The following NRXN1 variants were observed in gnomAD, a reference collection of about 807,000 sequenced individuals.
The protein encoded by NRXN1 is neurexin-1.
In NRXN1, 39 loss-of-function variants were observed where a neutral mutation model predicts 150.9. The observed-to-expected ratio is 0.26, with a 90% CI of 0.20 to 0.34. The LOEUF is 0.34. Ranked by LOEUF, NRXN1 falls within the 10% of genes least tolerant of loss-of-function variation. The pLI is 1.00. For missense variants in NRXN1, 1,815 were observed against 1,949.9 expected (o/e 0.93, Z 1.30); for synonymous variants, 924 against 757.0 (o/e 1.22, Z -3.62).
chr2:50,825,037 G>T (rs1670260635), intron 5 of NRXN1, among the ~76,000 whole-genome samples: 1 of 152,124 alleles, frequency 6.6e-6, no homozygotes, highest in South Asian at 2.1e-4. Context: ...AATCAATAGG[G>T]CTGCCTTTAT....
At chr2:50,700,228 G>A (rs773726807) in intron 5 of NRXN1, among the ~76,000 whole-genome samples, 2 of 152,162 alleles carry the variant, frequency 1.3e-5, no homozygotes, top group Non-Finnish European at 2.9e-5. Flanking sequence ...AGTGTCAAAT[G>A]AGATTGCTCC....
At chr2:50,013,659 CT>C (rs1686081193) in intron 21 of NRXN1, among the ~76,000 whole-genome samples, 1 of 152,118 alleles carries the variant, frequency 6.6e-6, no homozygotes, top group Admixed American at 6.6e-5. Flanking sequence ...GCTTCCATTT[CT>C]TATAATCTGC....
intron 10 of NRXN1, among the ~76,000 whole-genome samples, chr2:50,533,435 A>T (rs1342393033): frequency 6.6e-6 from 1 of 152,184 alleles, no homozygotes; most frequent in African/African-American, 2.4e-5. Flanking sequence ...CTCAGTAAAC[A>T]TGATAATCTC....
intron 16 of NRXN1, among the ~76,000 whole-genome samples, chr2:50,470,708 A>C (rs2089375596): frequency 6.6e-6 from 1 of 151,812 alleles, no homozygotes; most frequent in Non-Finnish European, 1.5e-5. Flanking sequence ...AACTGTGTTC[A>C]GTATTACAGG....
chr2:50,579,538 AT>A (rs1487800092), intron 8 of NRXN1, among the ~76,000 whole-genome samples: 1 of 152,148 alleles, frequency 6.6e-6, no homozygotes, highest in African/African-American at 2.4e-5. Flanking sequence ...AGTCCTAGCT[AT>A]TTGGGAACCT....
intron 5 of NRXN1, among the ~76,000 whole-genome samples, chr2:50,838,758 G>T (rs894099540): frequency 6.6e-6 from 1 of 152,096 alleles, no homozygotes; most frequent in Non-Finnish European, 1.5e-5. Context: ...AAGAAGCAGA[G>T]AATAATCATC....
At chr2:50,281,595 A>C (rs1188388442) in intron 17 of NRXN1, among the ~76,000 whole-genome samples, 1 of 152,136 alleles carries the variant, frequency 6.6e-6, no homozygotes, top group African/African-American at 2.4e-5. Flanking sequence ...TATTAATGAT[A>C]AAGATGTGTT....
intron 17 of NRXN1, among the ~76,000 whole-genome samples, chr2:50,315,480 A>G (rs2075525056): frequency 6.6e-6 from 1 of 152,140 alleles, no homozygotes; most frequent in African/African-American, 2.4e-5. Context: ...TCACAGTTAC[A>G]TGGAAGATTA....
intron 2 of NRXN1, among the ~76,000 whole-genome samples, chr2:51,005,276 A>AT (rs755244968): frequency 1.2e-4 from 18 of 152,078 alleles, no homozygotes; most frequent in Non-Finnish European, 1.6e-4. Flanking sequence ...AAATCTACAC[A>AT]TTTTTAAACT....
chr2:50,947,511 G>C (rs188299840), intron 2 of NRXN1, among the ~76,000 whole-genome samples: 101 of 151,876 alleles, frequency 6.7e-4, no homozygotes, highest in African/African-American at 2.3e-3. Context: ...GCACGGCAAT[G>C]GAGAACTAAG....
At chr2:50,062,728 C>A (rs1036883507) in intron 19 of NRXN1, among the ~76,000 whole-genome samples, 4 of 152,068 alleles carry the variant, frequency 2.6e-5, no homozygotes, top group Non-Finnish European at 5.9e-5. Context: ...TAGAGACAAG[C>A]TATATGAACA....
intron 10 of NRXN1, among the ~76,000 whole-genome samples, chr2:50,536,687 C>T (rs184889691): frequency 2.0e-5 from 3 of 152,258 alleles, no homozygotes; most frequent in East Asian, 1.9e-4. Context: ...CGTGCAAGTC[C>T]GCTAATCTCA....
intron 5 of NRXN1, among the ~76,000 whole-genome samples, chr2:50,698,774 G>A (rs1693305400): frequency 6.6e-6 from 1 of 152,104 alleles, no homozygotes; most frequent in African/African-American, 2.4e-5. Context: ...AGTTAAAATT[G>A]CCCTCAAAGA....
chr2:50,936,367 G>C (rs1287915796), intron 2 of NRXN1, among the ~76,000 whole-genome samples: 1 of 152,104 alleles, frequency 6.6e-6, no homozygotes, highest in African/African-American at 2.4e-5. Context: ...TCCTGACTCA[G>C]TACTATCTTA....
chr2:50,119,566 GAA>G (rs35595009), intron 18 of NRXN1, among the ~76,000 whole-genome samples: 59 of 136,968 alleles, frequency 4.3e-4, no homozygotes, highest in East Asian at 1.3e-3. Flanking sequence ...CATTAAAAAA[GAA>G]AAAAAAAAAA....
At chr2:50,335,886 TTC>T (rs909244610) in intron 17 of NRXN1, among the ~76,000 whole-genome samples, 33 of 118,716 alleles carry the variant, frequency 2.8e-4, no homozygotes, top group Non-Finnish European at 4.7e-4. Flanking sequence ...CCTCAGTCCT[TTC>T]TGTTTTTTTT....
intron 21 of NRXN1, among the ~76,000 whole-genome samples, chr2:49,995,831 C>G (rs1465823868): frequency 1.0e-5 from 1 of 99,630 alleles, no homozygotes; most frequent in Non-Finnish European, 2.0e-5. Context: ...ATAGCCTGTA[C>G]TTCAAGTATG....
At chr2:50,364,069 A>G (rs561821729) in intron 17 of NRXN1, among the ~76,000 whole-genome samples, 1 of 152,134 alleles carries the variant, frequency 6.6e-6, no homozygotes, top group African/African-American at 2.4e-5. Flanking sequence ...GGAGGGGAAC[A>G]TCACCCACTG....
At chr2:50,316,606 T>C (rs944820001) in intron 17 of NRXN1, among the ~76,000 whole-genome samples, 2 of 152,014 alleles carry the variant, frequency 1.3e-5, no homozygotes, top group African/African-American at 2.4e-5. Context: ...TGTCATGTAA[T>C]AAAATATGAA....
Sources: gnomAD v4.1 joint callset for allele counts (sites outside exome capture counted in the v4.1 genomes callset) on GRCh38, gnomAD v4.1.1 for gene constraint, MANE v1.5 for transcripts, NCBI Gene and HGNC (gene_info 2026-07-23, HGNC 2026-07-21) for gene names.